ZNF451: variants seen among roughly 807,000 people sequenced by gnomAD.
ZNF451 encodes E3 SUMO-protein ligase ZNF451.
Under a neutral mutation model 107.1 loss-of-function variants are expected in ZNF451, and 80 were observed. The ratio of observed to expected loss-of-function variants is 0.75; its 90% CI spans 0.62 to 0.90. The LOEUF is 0.90. ZNF451 is among the 40% of genes least tolerant of loss of function. ZNF451 has a pLI of 0.00. For missense variants in ZNF451, 1,107 were observed against 1,236.2 expected (o/e 0.90, Z 1.57); for synonymous variants, 362 against 406.5 (o/e 0.89, Z 1.32).
At chr6:57,108,135 G>A (rs1231395103) in intron 3 of ZNF451, 6 of 985,220 alleles carry the variant, frequency 6.1e-6, no homozygotes, top group East Asian at 1.1e-4. Context: ...CACAGTGCCC[G>A]GCCTGTATTT....
chr6:57,096,150 T>TTTTC (rs1054764672), intron 2 of ZNF451, among the ~76,000 whole-genome samples: 1 of 150,768 alleles, frequency 6.6e-6, no homozygotes, highest in Admixed American at 6.6e-5. Flanking sequence ...TTTTTGATCA[T>TTTTC]TTTCTTTCTT....
At chr6:57,125,490 G>A (rs934004177) in intron 4 of ZNF451, among the ~76,000 whole-genome samples, 30 of 152,090 alleles carry the variant, frequency 2.0e-4, no homozygotes, top group African/African-American at 6.8e-4. Flanking sequence ...CCATACTAAA[G>A]TACAAAAATG....
intron 2 of ZNF451, among the ~76,000 whole-genome samples, chr6:57,093,759 A>G (rs962176237): frequency 6.6e-6 from 1 of 152,264 alleles, no homozygotes; most frequent in Non-Finnish European, 1.5e-5. Flanking sequence ...AAGGAAAGGC[A>G]TCAGAATGGG....
chr6:57,109,484 C>A lies in ZNF451; in HGVS notation c.186+10343C>A, dbSNP rs969698694. The stretch of plus-strand genomic sequence containing the variant: ...GTAATATCCGAAAGTACTTTGACAA[C>A]ACACTAAAGCCTGATGCAGATTTCC... On this transcript the variant is annotated intron_variant, in intron 3 of 14. Coordinates refer to ENST00000370706, the MANE Select transcript of ZNF451 (RefSeq NM_001031623.3). The A allele has an allele frequency of 9.1e-6, 9 of 985,316 alleles. No homozygotes were observed. In the African/African-American group the frequency reaches 1.6e-4, roughly 17 times the overall value. 61.0% of individuals were successfully genotyped at this position (985,316 alleles called of 1,614,324 possible).
At chr6:57,144,843 C>T (rs907585625) in intron 9 of ZNF451, among the ~76,000 whole-genome samples, 3 of 152,008 alleles carry the variant, frequency 2.0e-5, no homozygotes, top group African/African-American at 4.8e-5. Context: ...GCAAGAGAAT[C>T]GCTTGAACCT....
intron 13 of ZNF451, chr6:57,159,388 G>C (rs2127986742): frequency 1.0e-6 from 1 of 985,368 alleles, no homozygotes; most frequent in Non-Finnish European, 1.2e-6. Context: ...ATAACAGAAA[G>C]CTGTGGGTAT....
intron 14 of ZNF451, among the ~76,000 whole-genome samples, chr6:57,162,252 G>A (rs1763702492): frequency 6.6e-6 from 1 of 152,108 alleles, no homozygotes; most frequent in South Asian, 2.1e-4. Flanking sequence ...CAAACAGAAT[G>A]GCCCAACTGG....
At chr6:57,118,425 A>G (rs897123816) in intron 3 of ZNF451, among the ~76,000 whole-genome samples, 4 of 152,208 alleles carry the variant, frequency 2.6e-5, no homozygotes, top group Non-Finnish European at 4.4e-5. Context: ...TTTGTGATCT[A>G]TGCTAAATTT....
At position 57,128,784 on chromosome 6, in the gene ZNF451, G is replaced by C. The variant is rs1831047366; in HGVS notation, c.368G>C (p.Gly123Ala). The change falls in exon 5 of 15, where the codon GGA becomes GCA. Residue 123 changes from glycine (G) to alanine (A), a missense_variant. By Grantham distance (60) the Gly-to-Ala change is moderately conservative. This residue lies in a region of ZNF451 where 339 missense variants were observed against 372.8 expected (regional missense o/e 0.91). Coordinates refer to ENST00000370706, the MANE Select transcript of ZNF451 (RefSeq NM_001031623.3). Reference protein sequence around the residue: ...HGLQELEFIRGHSDTEAARLC... With the variant: ...HGLQELEFIRAHSDTEAARLC... ...TTACAAGAATTGGAATTTATTCGAG[G>C]ACATTCTGATACAGAAGCAGCAAGA... The C allele has an allele frequency of 6.2e-7, 1 of 1,612,880 alleles. No individual in the cohort carries two copies. The highest frequency in any genetic ancestry group is 1.3e-5 in the African/African-American group (1 of 74,822).
At chr6:57,108,910 A>C in intron 3 of ZNF451, 1 of 985,432 alleles carries the variant, frequency 1.0e-6, no homozygotes, top group Non-Finnish European at 1.2e-6. Flanking sequence ...TGAGCTTTAA[A>C]TATGGACTTT....
At chr6:57,132,040 A>C (rs1831201841) in intron 5 of ZNF451, among the ~76,000 whole-genome samples, 1 of 152,250 alleles carries the variant, frequency 6.6e-6, no homozygotes, top group African/African-American at 2.4e-5. Context: ...AGAATGGACC[A>C]GGATAAAGGA....
In ZNF451 at chr6:57,148,531, C is replaced by G. The variant is rs1832195855; in HGVS notation, c.2446C>G (p.Gln816Glu). The G allele has an allele frequency of 9.9e-6, 16 of 1,614,158 alleles. No individual in the cohort carries two copies. Among genetic ancestry groups the G allele is most frequent in the East Asian group, 2.2e-5 (1 of 44,882 alleles). ...QHFHRKHCFLQKPSVAHFGSE... is the reference protein window; with the variant it reads ...QHFHRKHCFLEKPSVAHFGSE... Reference sequence around the variant, plus strand: ...TTTCCATAGAAAACATTGCTTCTTACAGAAACCCAGTGTGGCTCATTTTGG... The same window carrying G: ...TTTCCATAGAAAACATTGCTTCTTAGAGAAACCCAGTGTGGCTCATTTTGG... Residue 816 changes from glutamine (Q) to glutamate (E), a missense_variant, in exon 10 of 15, where the codon CAG (glutamine) becomes GAG (glutamate). Physicochemically the swap from Gln to Glu is conservative, Grantham distance 29. This residue lies in a region of ZNF451 where 608 missense variants were observed against 649.2 expected (regional missense o/e 0.94). Transcript: ENST00000370706.
intron 3 of ZNF451, among the ~76,000 whole-genome samples, chr6:57,122,002 C>G (rs534272737): frequency 1.4e-4 from 22 of 152,248 alleles, no homozygotes; most frequent in African/African-American, 5.1e-4. Flanking sequence ...GTAACCAAAC[C>G]AGTATGGTAC....
intron 3 of ZNF451, chr6:57,104,526 A>C (rs961867561): frequency 1.0e-5 from 10 of 985,212 alleles, no homozygotes; most frequent in Non-Finnish European, 1.2e-5. Context: ...GTTATGCCTG[A>C]GAATGCGTTT....
At chr6:57,101,394 CAG>C (rs1829588857) in intron 3 of ZNF451, 1 of 1,550,546 alleles carries the variant, frequency 6.4e-7, no homozygotes, top group African/African-American at 1.4e-5. Context: ...TCATGGGACA[CAG>C]GGTATATCCT....
intron 7 of ZNF451, among the ~76,000 whole-genome samples, chr6:57,137,980 G>A (rs956090925): frequency 2.6e-5 from 4 of 152,060 alleles, no homozygotes; most frequent in African/African-American, 4.8e-5. Context: ...GACATATGCC[G>A]CATTGTATTT....
intron 3 of ZNF451, among the ~76,000 whole-genome samples, chr6:57,124,253 A>G (rs1182456523): frequency 6.6e-6 from 1 of 152,154 alleles, no homozygotes; most frequent in Non-Finnish European, 1.5e-5. Context: ...CTATTAATAT[A>G]GGATCATGTG....
chr6:57,159,603 C>T (rs1303147038), intron 13 of ZNF451: 1 of 161,218 alleles, frequency 6.2e-6, no homozygotes, highest in Non-Finnish European at 1.3e-5. Context: ...ATGTGTGGCC[C>T]AAGACAGTCT....
chr6:57,142,165 A>AT (rs1831802182), intron 9 of ZNF451, 70 bp downstream of exon 9: 6 of 1,453,150 alleles, frequency 4.1e-6, no homozygotes, highest in African/African-American at 1.4e-5. Context: ...CAACAAATAC[A>AT]TTTTCTTTCC....
Sources: allele counts gnomAD v4.1 joint callset (sites outside exome capture counted in the v4.1 genomes callset), GRCh38; gene constraint gnomAD v4.1.1; regional missense constraint gnomAD v4.1.1; transcripts MANE v1.5; gene names NCBI Gene and HGNC (gene_info 2026-07-23, HGNC 2026-07-21).